The following ERBB4 variants were observed in gnomAD, a reference collection of about 807,000 sequenced individuals.
ERBB4 encodes erb-b2 receptor tyrosine kinase 4, also known as receptor tyrosine-protein kinase erbB-4.
ERBB4 carries 42 observed loss-of-function variants against 158.0 expected under a neutral mutation model. The observed-to-expected ratio is 0.27, with a 90% CI of 0.21 to 0.34. The LOEUF is 0.34. Among genes scored for constraint, ERBB4 ranks in the 10% least tolerant of loss-of-function variants. The probability of loss-of-function intolerance (pLI) is 1.00; values close to 1 mark genes in which losing one functional copy is unlikely to be tolerated. For missense variants in ERBB4, 1,333 were observed against 1,624.1 expected (o/e 0.82, Z 3.08); for synonymous variants, 583 against 558.7 (o/e 1.04, Z -0.61).
chr2:211,709,363 A>T (rs2073602563), intron 9 of ERBB4, among the ~76,000 whole-genome samples: 1 of 150,586 alleles, frequency 6.6e-6, no homozygotes, highest in Admixed American at 6.7e-5. Context: ...TTTAATAATT[A>T]TGTTCTATGA....
At chr2:211,665,787 A>G (rs541605571) in intron 14 of ERBB4, among the ~76,000 whole-genome samples, 1 of 152,324 alleles carries the variant, frequency 6.6e-6, no homozygotes, top group Admixed American at 6.5e-5. Flanking sequence ...TCATGACTCT[A>G]ATGTGACTTA....
intron 1 of ERBB4, among the ~76,000 whole-genome samples, chr2:212,276,162 G>C (rs1047636223): frequency 1.3e-5 from 2 of 151,706 alleles, no homozygotes; most frequent in African/African-American, 2.4e-5. Context: ...CCTGTGTCTT[G>C]AGTTTGACTG....
chr2:211,520,255 C>T (rs1232426275), intron 20 of ERBB4, among the ~76,000 whole-genome samples: 1 of 152,024 alleles, frequency 6.6e-6, no homozygotes, highest in African/African-American at 2.4e-5. Context: ...TATCAAAAGA[C>T]AACATTTTTA....
intron 2 of ERBB4, among the ~76,000 whole-genome samples, chr2:212,095,721 A>G (rs974338765): frequency 1.3e-5 from 2 of 152,084 alleles, no homozygotes; most frequent in Non-Finnish European, 2.9e-5. Context: ...TCACGAGGTC[A>G]GGAGATCGAG....
At chr2:211,754,666 C>G (rs2106221604) in intron 4 of ERBB4, among the ~76,000 whole-genome samples, 1 of 151,156 alleles carries the variant, frequency 6.6e-6, no homozygotes, top group South Asian at 2.1e-4. Flanking sequence ...CTAGGCCTAC[C>G]AAAGTGTTGG....
intron 1 of ERBB4, among the ~76,000 whole-genome samples, chr2:212,444,741 T>C (rs1453783932): frequency 6.6e-6 from 1 of 152,132 alleles, no homozygotes; most frequent in Non-Finnish European, 1.5e-5. Context: ...AAGGCTGACC[T>C]GGCTACAGCC....
At chr2:211,580,800 ATATATATATATAATATATATATAT>A (rs1483467635) in intron 19 of ERBB4, among the ~76,000 whole-genome samples, 1 of 14,454 alleles carries the variant, frequency 6.9e-5, no homozygotes, top group African/African-American at 8.3e-4. Context: ...ATATATATAT[ATATATATATATAATATATATATAT>A]TATATATATA....
intron 1 of ERBB4, among the ~76,000 whole-genome samples, chr2:212,279,817 T>C (rs2085685177): frequency 6.6e-6 from 1 of 151,720 alleles, no homozygotes; most frequent in Non-Finnish European, 1.5e-5. Flanking sequence ...CATTGGTTTC[T>C]AGAGAAAGTC....
chr2:211,645,070 G>A (rs1294688587), intron 16 of ERBB4, among the ~76,000 whole-genome samples: 1 of 145,120 alleles, frequency 6.9e-6, no homozygotes. Flanking sequence ...ATCTCTTCTT[G>A]AGTATTTATT....
intron 1 of ERBB4, among the ~76,000 whole-genome samples, chr2:212,163,782 A>AC (rs2081271368): frequency 6.6e-6 from 1 of 151,782 alleles, no homozygotes; most frequent in South Asian, 2.1e-4. Flanking sequence ...TTTGTGCATG[A>AC]CATACTGATC....
rs1220636534 is a variant in ERBB4 at position 211,381,361 on chromosome 2, C to A, written c.*2254G>T. 4.3e-6 allele frequency: 1 copy of A among 232,022 alleles called. No homozygotes were observed. Among genetic ancestry groups the A allele is most frequent in the Non-Finnish European group, 8.5e-6 (1 of 117,390 alleles). 14.4% of individuals were successfully genotyped at this position (232,022 alleles called of 1,614,324 possible). A position where few individuals can be genotyped will look rare whatever the true frequency, so the allele number is the denominator to read the frequency against. ...GTCAGTGATGCAATATTCTCCTAGACCAGTTTATGTTTGAATAATATTATT... is the reference window on the plus strand; with the variant it reads ...GTCAGTGATGCAATATTCTCCTAGAACAGTTTATGTTTGAATAATATTATT... On this transcript the variant is annotated 3_prime_UTR_variant, in exon 28 of 28. Coordinates refer to ENST00000342788, the MANE Select transcript of ERBB4 (RefSeq NM_005235.3).
chr2:211,571,041 C>CTTTTTTTTTTTTTTTTTTTT (rs549254649), intron 19 of ERBB4, among the ~76,000 whole-genome samples: 3 of 109,078 alleles, frequency 2.8e-5, no homozygotes, highest in African/African-American at 1.1e-4. Context: ...TACTCTTCTT[C>CTTTTTTTTTTTTTTTTTTTT]TTTTTTTTTT....
chr2:212,022,326 T>C (rs1559335747), intron 2 of ERBB4, among the ~76,000 whole-genome samples: 1 of 152,140 alleles, frequency 6.6e-6, no homozygotes, highest in Non-Finnish European at 1.5e-5. Flanking sequence ...ATTTGGTACA[T>C]ATACAAGATA....
At chr2:212,172,456 C>T (rs2081546108) in intron 1 of ERBB4, among the ~76,000 whole-genome samples, 2 of 152,240 alleles carry the variant, frequency 1.3e-5, no homozygotes, top group African/African-American at 2.4e-5. Context: ...TATGAAGACA[C>T]ATGCATGCGT....
At chr2:212,244,048 A>G (rs984603594) in intron 1 of ERBB4, among the ~76,000 whole-genome samples, 5 of 152,098 alleles carry the variant, frequency 3.3e-5, no homozygotes, top group African/African-American at 9.7e-5. Flanking sequence ...GATTATGTAC[A>G]CGATCTTCTA....
chr2:211,684,957 G>A (rs1363893105), intron 12 of ERBB4, among the ~76,000 whole-genome samples: 1 of 152,140 alleles, frequency 6.6e-6, no homozygotes, highest in Non-Finnish European at 1.5e-5. Flanking sequence ...TCATTAAACT[G>A]TTTCTCTGCT....
intron 1 of ERBB4, among the ~76,000 whole-genome samples, chr2:212,243,364 T>C (rs998307021): frequency 6.6e-6 from 1 of 152,162 alleles, no homozygotes; most frequent in Non-Finnish European, 1.5e-5. Context: ...GTGAGAGTAA[T>C]TCTGTGAGAT....
chr2:211,657,934 C>A (rs775822826), intron 15 of ERBB4, 106 bp from the exon 16 acceptor site: 1 of 1,609,030 alleles, frequency 6.2e-7, no homozygotes, highest in South Asian at 1.1e-5. Flanking sequence ...ACATGGGAAG[C>A]AAGCACACCA....
At chr2:211,986,035 T>G (rs1328809900) in intron 2 of ERBB4, among the ~76,000 whole-genome samples, 18 of 152,080 alleles carry the variant, frequency 1.2e-4, no homozygotes, top group Admixed American at 1.0e-3. Context: ...TAGGTTTTCA[T>G]AAGAAAAGAA....
Sources: allele counts gnomAD v4.1 joint callset (sites outside exome capture counted in the v4.1 genomes callset), GRCh38; gene constraint gnomAD v4.1.1; transcripts MANE v1.5; gene names NCBI Gene and HGNC (gene_info 2026-07-23, HGNC 2026-07-21).